The following PRDM10 variants were observed in gnomAD, a reference collection of about 807,000 sequenced individuals.
PRDM10 encodes the protein PR domain zinc finger protein 10.
PRDM10 carries 65 observed loss-of-function variants against 133.1 expected under a neutral mutation model. The ratio of observed to expected loss-of-function variants is 0.49; its 90% CI spans 0.40 to 0.60. The LOEUF (loss-of-function observed/expected upper bound fraction) is 0.60. Among genes scored for constraint, PRDM10 ranks in the 20% least tolerant of loss-of-function variants. The pLI is 0.00. For synonymous variants in PRDM10, 582 were observed against 580.4 expected (o/e 1.00, Z -0.04); for missense variants, 1,137 against 1,507.1 (o/e 0.75, Z 4.07).
chr11:129,938,024 C>T lies in PRDM10; in HGVS notation c.967-354G>A, dbSNP rs575242301. Among the ~76,000 whole-genome samples the T allele has an allele frequency of 1.8e-4, 28 of 152,266 alleles. No individual in the cohort carries two copies. In the East Asian group the frequency reaches 5.4e-3, roughly 29 times the overall value. On this transcript the variant is annotated intron_variant, in intron 7 of 20. Coordinates refer to ENST00000360871, the MANE Select transcript of PRDM10 (RefSeq NM_199437.2). ...TACAGGGTTGTAGTCATAGTGGTTG[C>T]CACCAAACAGCCCTTACTGGGGTCA...
At chr11:129,920,005 G>T (rs1220190360) in intron 13 of PRDM10, among the ~76,000 whole-genome samples, 1 of 152,178 alleles carries the variant, frequency 6.6e-6, no homozygotes. Flanking sequence ...TAAGGACACT[G>T]CCCTACGTGA....
intron 1 of PRDM10, among the ~76,000 whole-genome samples, chr11:129,984,141 G>A (rs1330115205): frequency 1.3e-5 from 2 of 152,124 alleles, no homozygotes; most frequent in African/African-American, 2.4e-5. Context: ...TGGGAAAAGA[G>A]AGCCCCTCAG....
intron 1 of PRDM10, among the ~76,000 whole-genome samples, chr11:129,992,086 C>T (rs371225764): frequency 2.6e-5 from 4 of 152,174 alleles, no homozygotes; most frequent in South Asian, 2.1e-4. Flanking sequence ...TCTTTGTAAA[C>T]GCTTAACCAG....
intron 4 of PRDM10, among the ~76,000 whole-genome samples, chr11:129,954,230 A>T (rs923852576): frequency 6.6e-6 from 1 of 151,032 alleles, no homozygotes; most frequent in African/African-American, 2.4e-5. Flanking sequence ...AAAAGCAGAA[A>T]GTGCTTCTTC....
At chr11:129,944,732 G>C (rs1951348209) in intron 6 of PRDM10, 39 bp downstream of exon 6, 1 of 1,609,474 alleles carries the variant, frequency 6.2e-7, no homozygotes, top group South Asian at 1.1e-5. Flanking sequence ...TCAAACACTG[G>C]TAAAGGACAG....
chr11:129,981,877 C>G (rs980169334), intron 1 of PRDM10, among the ~76,000 whole-genome samples: 1 of 151,332 alleles, frequency 6.6e-6, no homozygotes, highest in African/African-American at 2.4e-5. Context: ...GCCTAAGCAA[C>G]AAAAGCTAAA....
chr11:129,919,922 C>T (rs983986741), intron 13 of PRDM10, among the ~76,000 whole-genome samples: 3 of 152,172 alleles, frequency 2.0e-5, no homozygotes, highest in African/African-American at 7.2e-5. Flanking sequence ...TTCTTCCTAT[C>T]CCACCCGCCT....
At chr11:129,936,834 T>G (rs1951049169) in intron 8 of PRDM10, among the ~76,000 whole-genome samples, 1 of 152,146 alleles carries the variant, frequency 6.6e-6, no homozygotes, top group Non-Finnish European at 1.5e-5. Context: ...CTGTGAAACT[T>G]GACCTAACTC....
intron 6 of PRDM10, among the ~76,000 whole-genome samples, chr11:129,944,123 G>A (rs1465411347): frequency 2.0e-5 from 3 of 152,204 alleles, no homozygotes; most frequent in African/African-American, 7.2e-5. Context: ...GCCAAGGAGA[G>A]AGGCCTCAGA....
intron 3 of PRDM10, 46 bp downstream of exon 3, chr11:129,957,700 T>C: frequency 6.4e-7 from 1 of 1,570,640 alleles, no homozygotes; most frequent in East Asian, 2.3e-5. Context: ...AAGTAATTGG[T>C]TAATTAGTTA....
chr11:130,001,701 TTACTTA>T (rs1939391027), intron 1 of PRDM10, among the ~76,000 whole-genome samples: 1 of 152,194 alleles, frequency 6.6e-6, no homozygotes, highest in Non-Finnish European at 1.5e-5. Flanking sequence ...ATATTCCATT[TTACTTA>T]GTAGAGTATC....
At chr11:129,959,759 A>C (rs1951760168) in intron 2 of PRDM10, among the ~76,000 whole-genome samples, 1 of 152,106 alleles carries the variant, frequency 6.6e-6, no homozygotes, top group Admixed American at 6.5e-5. Flanking sequence ...GAACTTTTTT[A>C]AGTAATCAGA....
intron 1 of PRDM10, among the ~76,000 whole-genome samples, chr11:129,972,277 G>C (rs1218024390): frequency 1.3e-5 from 2 of 152,250 alleles, no homozygotes; most frequent in East Asian, 3.9e-4. Flanking sequence ...CCACAGTGCA[G>C]CGGTGGGCTG....
intron 1 of PRDM10, among the ~76,000 whole-genome samples, chr11:129,991,200 T>C (rs917895436): frequency 1.3e-5 from 2 of 152,206 alleles, no homozygotes; most frequent in African/African-American, 2.4e-5. Context: ...ATAGGCTGTT[T>C]TAGATCATGA....
chr11:129,941,003 G>A (rs553798636), intron 7 of PRDM10, among the ~76,000 whole-genome samples: 5 of 152,106 alleles, frequency 3.3e-5, no homozygotes, highest in African/African-American at 1.2e-4. Context: ...TTCTAATCAG[G>A]AATTTATTGG....
At chr11:129,957,626 G>A (rs2135915824) in intron 3 of PRDM10, 120 bp downstream of exon 3, 1 of 1,278,712 alleles carries the variant, frequency 7.8e-7, no homozygotes, top group East Asian at 2.5e-5. Context: ...TGAGAGCACA[G>A]ATCTTATCTG....
At chr11:129,930,045 G>A (rs572548741) in intron 11 of PRDM10, among the ~76,000 whole-genome samples, 2 of 152,262 alleles carry the variant, frequency 1.3e-5, no homozygotes, top group South Asian at 2.1e-4. Flanking sequence ...GCCCTTCAAA[G>A]CTATCATATG....
At chr11:129,992,616 G>A (rs1938816401) in intron 1 of PRDM10, among the ~76,000 whole-genome samples, 1 of 152,164 alleles carries the variant, frequency 6.6e-6, no homozygotes, top group Non-Finnish European at 1.5e-5. Flanking sequence ...AACCAGAGGA[G>A]GTTGTAATTC....
chr11:129,923,230 T>TG lies in PRDM10; in HGVS notation c.2034+17dup, dbSNP rs1427746530. On this transcript the variant is annotated intron_variant, in intron 13 of 20. Transcript: ENST00000360871. The surrounding 1 kb of genome is among the most constrained non-coding windows in gnomAD (Gnocchi z 4.4). ...AGTGGCCACGAGAACCACCTTGGGC[T>TG]GTGCCTTGGTGTCATACCTTAAATT... 6.4e-7 allele frequency: 1 copy of TG among 1,562,160 alleles called. No homozygotes were observed. Among genetic ancestry groups the TG allele is most frequent in the East Asian group, 2.3e-5 (1 of 42,844 alleles).
Sources: gnomAD v4.1 joint callset for allele counts (sites outside exome capture counted in the v4.1 genomes callset) on GRCh38, gnomAD v4.1.1 for gene constraint, Gnocchi (gnomAD v3.1) non-coding constraint, MANE v1.5 for transcripts, NCBI Gene and HGNC (gene_info 2026-07-23, HGNC 2026-07-21) for gene names.